Variants in SEPTIN7 observed in about 807,000 individuals in gnomAD.
SEPTIN7 encodes the protein septin-7.
SEPTIN7 carries 10 observed loss-of-function variants against 63.3 expected under a neutral mutation model. That is an observed-to-expected ratio of 0.16 (90% CI 0.10 to 0.27). The LOEUF (loss-of-function observed/expected upper bound fraction) is 0.27. SEPTIN7 is among the 10% of genes least tolerant of loss of function. The pLI is 1.00. For synonymous variants in SEPTIN7, 131 were observed against 165.3 expected (o/e 0.79, Z 1.59); for missense variants, 310 against 521.0 (o/e 0.59, Z 3.94).
At chr7:35,876,107 T>G (rs894452226) in intron 6 of SEPTIN7, among the ~76,000 whole-genome samples, 2 of 152,166 alleles carry the variant, frequency 1.3e-5, no homozygotes, top group African/African-American at 4.8e-5. Context: ...AGTTTAATTT[T>G]TAAACTGACT....
chr7:35,889,461 A>G lies in SEPTIN7; in HGVS notation c.873-1207A>G, dbSNP rs553910753. Among the ~76,000 whole-genome samples the G allele has an allele frequency of 4.6e-5, 7 of 152,326 alleles. No homozygotes were observed. The South Asian group carries it at 1.2e-3, about 27-fold the overall frequency. On this transcript the variant is annotated intron_variant, in intron 10 of 13. Transcript: ENST00000350320. Reference sequence around the variant, plus strand: ...AATTGAATATCACATTTTGTTCCCAAAGGGGGAGATTCAAGAAGCTGGATT... The same window carrying G: ...AATTGAATATCACATTTTGTTCCCAGAGGGGGAGATTCAAGAAGCTGGATT...
At chr7:35,846,603 A>G (rs1012004132) in intron 3 of SEPTIN7, among the ~76,000 whole-genome samples, 1 of 152,154 alleles carries the variant, frequency 6.6e-6, no homozygotes, top group African/African-American at 2.4e-5. Context: ...ATAACTTCCC[A>G]TAACTTCCCA....
intron 10 of SEPTIN7, chr7:35,888,888 G>T: frequency 3.1e-6 from 1 of 322,694 alleles, no homozygotes; most frequent in South Asian, 2.6e-5. Context: ...TATTGGCATA[G>T]GTATTTGTTA....
chr7:35,850,951 T>C (rs187089713), intron 3 of SEPTIN7, among the ~76,000 whole-genome samples: 1 of 152,308 alleles, frequency 6.6e-6, no homozygotes, highest in Non-Finnish European at 1.5e-5. Context: ...AGCGAGCATC[T>C]TTAAAGCAGG....
Position 35,801,312 on chromosome 7 carries a change from T to C in SEPTIN7, c.61+42T>C, listed in dbSNP as rs553679863. 14 of 1,513,796 alleles carry C rather than the reference T, an allele frequency of 9.2e-6. No homozygotes were observed. In the South Asian group the frequency reaches 1.4e-4, roughly 15 times the overall value. The allele number at this position is 1,513,796 out of a possible 1,614,324, so 93.8% of individuals were successfully genotyped here. A position where few individuals can be genotyped will look rare whatever the true frequency, so the allele number is the denominator to read the frequency against. On this transcript the variant is annotated intron_variant, in intron 1 of 13. Transcript: ENST00000350320. ...GGTGCCGCGACTTGGGGTCAGCGGC[T>C]CCGAATGCCGGGAAGCTCTGCGGCC...
At chr7:35,836,886 G>A (rs1324810328) in intron 3 of SEPTIN7, among the ~76,000 whole-genome samples, 1 of 152,080 alleles carries the variant, frequency 6.6e-6, no homozygotes, top group African/African-American at 2.4e-5. Context: ...ATGATTTTAA[G>A]ATTTTTCCTT....
At chr7:35,805,331 G>A (rs1042271825) in intron 1 of SEPTIN7, among the ~76,000 whole-genome samples, 7 of 152,082 alleles carry the variant, frequency 4.6e-5, no homozygotes, top group African/African-American at 1.7e-4. Flanking sequence ...CCAAACGTTG[G>A]ACATACTGCA....
At chr7:35,898,065 G>T (rs982483161) in intron 11 of SEPTIN7, 183 bp from the exon 12 acceptor site, 10 of 447,966 alleles carry the variant, frequency 2.2e-5, no homozygotes, top group Non-Finnish European at 3.9e-5. Flanking sequence ...GAACATCTTT[G>T]TTTTTTAGAT....
Position 35,872,643 on chromosome 7 carries a change from A to G in SEPTIN7, c.277-23A>G, listed in dbSNP as rs1786221679. 1.5e-5 allele frequency: 23 copies of G among 1,550,000 alleles called. No individual in the cohort carries two copies. In the East Asian group the frequency reaches 5.2e-4, roughly 35 times the overall value. On this transcript the variant is annotated intron_variant, in intron 4 of 13. Coordinates refer to ENST00000350320, the MANE Select transcript of SEPTIN7 (RefSeq NM_001788.6). ...CACTGATGTAATGTATGATATTAAC[A>G]TCTGCACCAATTACTCTTACAGGTG...
intron 1 of SEPTIN7, among the ~76,000 whole-genome samples, chr7:35,801,775 A>C (rs1787997269): frequency 2.0e-5 from 3 of 150,326 alleles, no homozygotes; most frequent in Middle Eastern, 3.7e-3. Flanking sequence ...TGTGTGGGCC[A>C]ACCCGGGCGG....
chr7:35,853,845 G>C (rs1468484824), intron 3 of SEPTIN7, among the ~76,000 whole-genome samples: 1 of 152,190 alleles, frequency 6.6e-6, no homozygotes, highest in East Asian at 1.9e-4. Context: ...ATAAATGAGA[G>C]TGGGTATTTA....
chr7:35,825,738 T>C (rs1171276142), intron 1 of SEPTIN7, among the ~76,000 whole-genome samples: 1 of 152,180 alleles, frequency 6.6e-6, no homozygotes, highest in Non-Finnish European at 1.5e-5. Context: ...GTTGAATGAA[T>C]GAGTGAAGGA....
intron 3 of SEPTIN7, among the ~76,000 whole-genome samples, chr7:35,843,284 T>A (rs1181134928): frequency 1.3e-5 from 2 of 152,206 alleles, no homozygotes; most frequent in African/African-American, 4.8e-5. Flanking sequence ...GCCATTCTTC[T>A]CATGTGGATG....
intron 3 of SEPTIN7, among the ~76,000 whole-genome samples, chr7:35,843,301 C>T (rs1478987352): frequency 1.3e-5 from 2 of 152,182 alleles, no homozygotes; most frequent in Non-Finnish European, 2.9e-5. Context: ...GATGCCCCCT[C>T]ATCCTATTTA....
At chr7:35,844,779 T>G (rs1784574187) in intron 3 of SEPTIN7, among the ~76,000 whole-genome samples, 2 of 152,164 alleles carry the variant, frequency 1.3e-5, no homozygotes, top group Non-Finnish European at 2.9e-5. Context: ...ATTTTTGTAT[T>G]TTTAGTAAAG....
chr7:35,881,117 C>T (rs897427063), intron 7 of SEPTIN7, among the ~76,000 whole-genome samples: 1 of 151,518 alleles, frequency 6.6e-6, no homozygotes, highest in African/African-American at 2.4e-5. Context: ...TTATAAAAAG[C>T]CTGTTAAAAT....
the SEPTIN7 span, among the ~76,000 whole-genome samples, chr7:35,913,398 T>G: frequency 3.3e-5 from 5 of 151,680 alleles, no homozygotes; most frequent in Non-Finnish European, 7.4e-5. Flanking sequence ...TCTTTCTTTC[T>G]TTCTTTCTCT....
At chr7:35,861,354 A>G (rs1015468866) in intron 3 of SEPTIN7, among the ~76,000 whole-genome samples, 1 of 152,120 alleles carries the variant, frequency 6.6e-6, no homozygotes, top group African/African-American at 2.4e-5. Context: ...ACCTTGTTGC[A>G]TGCCTTGTGA....
chr7:35,842,240 A>T (rs1784441217), intron 3 of SEPTIN7, among the ~76,000 whole-genome samples: 1 of 152,144 alleles, frequency 6.6e-6, no homozygotes, highest in Non-Finnish European at 1.5e-5. Flanking sequence ...TGAACTACAG[A>T]ACCTTAGAAT....
Sources: allele counts gnomAD v4.1 joint callset (sites outside exome capture counted in the v4.1 genomes callset), GRCh38; gene constraint gnomAD v4.1.1; transcripts MANE v1.5; gene names NCBI Gene and HGNC (gene_info 2026-07-23, HGNC 2026-07-21).